XRCC6: variants seen among roughly 807,000 people sequenced by gnomAD.
The protein encoded by XRCC6 is X-ray repair cross complementing 6, also known as DNA repair protein Ku70.
Under a neutral mutation model 65.7 loss-of-function variants are expected in XRCC6, and 5 were observed. The observed-to-expected ratio is 0.08, with a 90% confidence interval of 0.04 to 0.16. XRCC6 has a LOEUF of 0.16. Among genes scored for constraint, XRCC6 ranks in the 10% least tolerant of loss-of-function variants. The pLI is 1.00. For missense variants in XRCC6, 447 were observed against 738.1 expected, an observed-to-expected ratio of 0.61 and a Z score of 4.57; for synonymous variants, 270 against 270.6, an observed-to-expected ratio of 1.00 and a Z score of 0.02.
intron 6 of XRCC6, 43 bp downstream of exon 6, chr22:41,637,834 T>A: frequency 6.3e-7 from 1 of 1,585,674 alleles, no homozygotes; most frequent in Non-Finnish European, 8.6e-7. Context: ...TGCCCTTAAA[T>A]CAGAAGCAGG....
chr22:41,621,302 G>A lies in XRCC6; in HGVS notation c.-59G>A. On this transcript the variant is annotated 5_prime_UTR_variant, in exon 1 of 13. Transcript: ENST00000360079. The stretch of plus-strand genomic sequence containing the variant: ...CGAGTACAGGGCCCGCGCATGCGTG[G>A]ATTGTCGTCTTCTGTCCAAGTTGGT... 5.2e-6 allele frequency: 1 copy of A among 192,840 alleles called. No homozygotes were observed. Among genetic ancestry groups the A allele is most frequent in the South Asian group, 1.1e-4 (1 of 9,280 alleles). The allele number at this position is 192,840 out of a possible 1,614,324, so 11.9% of individuals were successfully genotyped here.
intron 5 of XRCC6, among the ~76,000 whole-genome samples, chr22:41,637,198 C>G (rs2067819217): frequency 6.6e-6 from 1 of 151,498 alleles, no homozygotes; most frequent in South Asian, 2.1e-4. Context: ...ATTCACCTGC[C>G]TCAGCCTCCC....
chr22:41,644,158 A>AG (rs1227618734), intron 6 of XRCC6, among the ~76,000 whole-genome samples: 6 of 152,110 alleles, frequency 3.9e-5, no homozygotes, highest in African/African-American at 4.8e-5. Flanking sequence ...AAAAAAAAAA[A>AG]GAAAAATGTT....
chr22:41,621,793 G>A, intron 1 of XRCC6, 197 bp from the exon 2 acceptor site: 1 of 565,596 alleles, frequency 1.8e-6, no homozygotes. Flanking sequence ...AGGGATAGCT[G>A]AGATGAGGCA....
intron 6 of XRCC6, among the ~76,000 whole-genome samples, chr22:41,638,630 C>T (rs781740167): frequency 3.2e-4 from 48 of 151,880 alleles, no homozygotes; most frequent in South Asian, 2.7e-3. Context: ...ACTAAAGATA[C>T]AAAAATTAGC....
At chr22:41,630,302 G>T (rs1225543580) in intron 3 of XRCC6, among the ~76,000 whole-genome samples, 3 of 150,472 alleles carry the variant, frequency 2.0e-5, no homozygotes, top group Non-Finnish European at 4.4e-5. Flanking sequence ...TTTTTGAGAT[G>T]GTGTCTCACT....
At chr22:41,640,585 A>G (rs1217008095) in intron 6 of XRCC6, among the ~76,000 whole-genome samples, 1 of 152,202 alleles carries the variant, frequency 6.6e-6, no homozygotes, top group Admixed American at 6.5e-5. Context: ...GACCTTTGGT[A>G]ACTTTTAAGC....
In XRCC6 at chr22:41,661,452, G is replaced by A; in HGVS notation, c.1636+8G>A. ...TTACCAAGAGAAAACACGGTGAGAA[G>A]CTGAATGTGGACATGTGGGCTATTT... On this transcript the variant is annotated splice_region_variant and intron_variant, in intron 12 of 12. Coordinates refer to ENST00000360079, the MANE Select transcript of XRCC6 (RefSeq NM_001469.5). 3 of 1,611,362 alleles carry A rather than the reference G, an allele frequency of 1.9e-6. No homozygotes were observed. The highest frequency in any genetic ancestry group is 8.5e-7 in the Non-Finnish European group (1 of 1,178,090).
At chr22:41,653,413 A>T (rs2147109413) in intron 8 of XRCC6, 116 bp from the exon 9 acceptor site, 1 of 1,004,982 alleles carries the variant, frequency 1.0e-6, no homozygotes, top group Non-Finnish European at 1.4e-6. Flanking sequence ...CAAATAAATA[A>T]ATAATAAAAT....
At chr22:41,639,260 T>G (rs1278660509) in intron 6 of XRCC6, among the ~76,000 whole-genome samples, 1 of 151,850 alleles carries the variant, frequency 6.6e-6, no homozygotes, top group Non-Finnish European at 1.5e-5. Flanking sequence ...ATGATCATTG[T>G]TAAAATTGTG....
At chr22:41,621,958 G>A (rs765549166) in intron 1 of XRCC6, 32 bp from the exon 2 acceptor site, 15 of 1,604,110 alleles carry the variant, frequency 9.4e-6, no homozygotes, top group Admixed American at 1.7e-5. Context: ...ATTTAAATTT[G>A]CCTGTTACTG....
At position 41,624,779 on chromosome 22, in the gene XRCC6, C is replaced by T. The variant is rs558277591; in HGVS notation, c.82+2693C>T. Among the ~76,000 whole-genome samples, 218 of 151,242 alleles carry T rather than the reference C, an allele frequency of 1.4e-3. 3 individuals are homozygous for T. Among genetic ancestry groups the T allele is most frequent in the African/African-American group, 4.9e-3 (200 of 41,190 alleles). ...TTGAGAGGCCGAGGCGGGTGGCTCA[C>T]GAGGTCAGGACATCGAGACCATCCT... On this transcript the variant is annotated intron_variant, in intron 2 of 12. Transcript: ENST00000360079.
At chr22:41,648,699 A>C (rs896766649) in intron 7 of XRCC6, among the ~76,000 whole-genome samples, 2 of 152,188 alleles carry the variant, frequency 1.3e-5, no homozygotes, top group Non-Finnish European at 2.9e-5. Context: ...AGGGCCTATA[A>C]GGATGACTAA....
In XRCC6 at chr22:41,631,335, G is replaced by T. The variant is rs188082716; in HGVS notation, c.195+3105G>T. On this transcript the variant is annotated intron_variant, in intron 3 of 12. Transcript: ENST00000360079. ...AGAGGCTCCTCACTTCCCAGATGGG[G>T]TGGCTGCCGGGCGGAGGGGCTCCTC... 4.9e-3 allele frequency among the ~76,000 whole-genome samples: 739 copies of T among 151,364 alleles called. 3 individuals are homozygous for T. Among genetic ancestry groups the T allele is most frequent in the African/African-American group, 0.017 (711 of 41,194 alleles).
At chr22:41,647,214 T>G in intron 7 of XRCC6, 132 bp downstream of exon 7, 1 of 847,188 alleles carries the variant, frequency 1.2e-6, no homozygotes, top group East Asian at 2.6e-5. Context: ...TCCTTCTGTC[T>G]CAGCCTCCCA....
chr22:41,632,068 G>T (rs2067760231), intron 3 of XRCC6, among the ~76,000 whole-genome samples: 2 of 152,054 alleles, frequency 1.3e-5, no homozygotes, highest in African/African-American at 4.8e-5. Flanking sequence ...AGTGAGCCGA[G>T]ATGGCAGCAG....
intron 4 of XRCC6, 91 bp downstream of exon 4, chr22:41,636,342 A>G: frequency 6.6e-7 from 1 of 1,506,232 alleles, no homozygotes; most frequent in Non-Finnish European, 8.9e-7. Flanking sequence ...AGCAAGTTAC[A>G]TCTTGTCTAG....
At chr22:41,625,537 A>G (rs1351353628) in intron 2 of XRCC6, among the ~76,000 whole-genome samples, 2 of 152,320 alleles carry the variant, frequency 1.3e-5, no homozygotes, top group Admixed American at 1.3e-4. Context: ...ATGACCAGAC[A>G]TTATATACCT....
Position 41,663,971 on chromosome 22 carries a change from A to T in XRCC6, c.*156A>T. 2.5e-6 allele frequency: 2 copies of T among 797,524 alleles called. No individual in the cohort carries two copies. Among genetic ancestry groups the T allele is most frequent in the South Asian group, 3.7e-5 (2 of 53,908 alleles). The allele number at this position is 797,524 out of a possible 1,614,324, so 49.4% of individuals were successfully genotyped here. The stretch of plus-strand genomic sequence containing the variant: ...TTTGAGGCTTTCTGTTGCCATGGTG[A>T]TGGTGTAGCCCTCCCACTTTGCTGT... On this transcript the variant is annotated 3_prime_UTR_variant, in exon 13 of 13. Coordinates refer to ENST00000360079, the MANE Select transcript of XRCC6 (RefSeq NM_001469.5).
Sources: allele counts gnomAD v4.1 joint callset (sites outside exome capture counted in the v4.1 genomes callset), GRCh38; gene constraint gnomAD v4.1.1; transcripts MANE v1.5; gene names NCBI Gene and HGNC (gene_info 2026-07-23, HGNC 2026-07-21).